Variants in KNL1 observed in about 807,000 individuals in gnomAD.
The protein encoded by KNL1 is outer kinetochore KNL1 complex subunit KNL1.
A neutral mutation model predicts 201.3 loss-of-function variants in KNL1; 66 were observed. That is an observed-to-expected ratio of 0.33 (90% CI 0.27 to 0.40). KNL1 has a LOEUF of 0.40. KNL1 is among the 10% of genes least tolerant of loss of function. The pLI, the probability that KNL1 is intolerant of heterozygous loss-of-function variation, is 1.00. For missense variants in KNL1, 2,815 were observed against 2,690.5 expected (o/e 1.05, Z -1.02); for synonymous variants, 895 against 899.2 (o/e 1.00, Z 0.08).
At chr15:40,618,034 T>C (rs1892401555) in intron 8 of KNL1, among the ~76,000 whole-genome samples, 1 of 137,544 alleles carries the variant, frequency 7.3e-6, no homozygotes. Flanking sequence ...TATTTCATTA[T>C]ATGTACTCAA....
rs1892636428 is a variant in KNL1, at chr15:40,623,803, A to C, written c.3539A>C (p.Glu1180Ala). The C allele has an allele frequency of 6.2e-7, 1 of 1,613,572 alleles. No homozygotes were observed. The highest frequency in any genetic ancestry group is 1.7e-5 in the Admixed American group (1 of 59,890). ...HTVFIDCQAT[E>A]KILEENPKFG... is the part of the protein sequence containing the mutation. ...GTTTTCATTGACTGTCAAGCCACAG[A>C]GAAAATACTTGAAGAAAACCCTAAA... The change falls in exon 10 of 26, where the codon GAG (glutamate) becomes GCG (alanine). Residue 1180 changes from glutamate (E) to alanine (A), a missense_variant. Physicochemically the swap from Glu to Ala is moderately radical, Grantham distance 107. This residue lies in a region of KNL1 where 2,464 missense variants were observed against 2,291.7 expected (regional missense o/e 1.08). Transcript: ENST00000399668.
At chr15:40,634,462 G>A (rs956582145) in intron 13 of KNL1, among the ~76,000 whole-genome samples, 3 of 152,226 alleles carry the variant, frequency 2.0e-5, no homozygotes, top group Admixed American at 6.5e-5. Context: ...ATTGCATTGT[G>A]TGTGGATTAT....
chr15:40,634,111 G>T (rs1468019801), intron 13 of KNL1, among the ~76,000 whole-genome samples: 1 of 152,024 alleles, frequency 6.6e-6, no homozygotes, highest in Non-Finnish European at 1.5e-5. Context: ...TTGTTTGTTT[G>T]TTTGTTTGTT....
In KNL1 at chr15:40,624,563, T is replaced by C. The variant is rs1281131867; in HGVS notation, c.4299T>C (p.Tyr1433=). ...TTCCAAAGGATCAAATGAAAGTCTATGTTGATGACATTTATGTTATTCCTC... is the reference window on the plus strand; with the variant it reads ...TTCCAAAGGATCAAATGAAAGTCTACGTTGATGACATTTATGTTATTCCTC... ...FKLPKDQMKV[Y]VDDIYVIPQP... The change falls in exon 10 of 26, where the codon TAT becomes TAC. Residue 1433 remains tyrosine (Y), a synonymous_variant. Transcript: ENST00000399668. The C allele has an allele frequency of 6.2e-7, 1 of 1,613,956 alleles. No homozygotes were observed. Among genetic ancestry groups the C allele is most frequent in the Non-Finnish European group, 8.5e-7 (1 of 1,179,858 alleles).
intron 2 of KNL1, among the ~76,000 whole-genome samples, chr15:40,604,027 C>T (rs1014256700): frequency 6.6e-6 from 1 of 152,096 alleles, no homozygotes; most frequent in African/African-American, 2.4e-5. Flanking sequence ...TGCCCCAGAC[C>T]TGTTTTAGCT....
At chr15:40,657,698 T>C (rs955930300) in intron 24 of KNL1, among the ~76,000 whole-genome samples, 2 of 152,240 alleles carry the variant, frequency 1.3e-5, no homozygotes, top group South Asian at 4.1e-4. Context: ...CCCTTCATGT[T>C]GACATGGTGT....
Position 40,659,892 on chromosome 15 carries a change from T to TTGTGTGTGTGTGTGTGTG in KNL1, c.6836+432_6836+433insGTGTGTGTGTGTGTGTGT, listed in dbSNP as rs749156028. 7.6e-3 allele frequency among the ~76,000 whole-genome samples: 912 copies of TTGTGTGTGTGTGTGTGTG among 120,144 alleles called. 14 individuals carry two copies. Among genetic ancestry groups the TTGTGTGTGTGTGTGTGTG allele is most frequent in the Non-Finnish European group, 9.4e-3 (515 of 54,662 alleles). The allele number at this position is 120,144 out of a possible 152,430, so 78.8% of individuals were successfully genotyped here. ...TTCTCTTGAGTTCATTTTGAAGAATTTATGTGTGTGTGTGTGTGTGTGTGT... is the reference window on the plus strand; with the variant it reads ...TTCTCTTGAGTTCATTTTGAAGAATTTGTGTGTGTGTGTGTGTGTATGTGTGTGTGTGTGTGTGTGTGT... On this transcript the variant is annotated intron_variant, in intron 25 of 25. Transcript: ENST00000399668.
Position 40,624,486 on chromosome 15 carries a change from C to T in KNL1, c.4222C>T (p.Gln1408Ter). Residue 1408 changes from glutamine (Q) to a stop codon, truncating the protein, a stop_gained, in exon 10 of 26, where the codon CAA becomes TAA. Transcript: ENST00000399668. LOFTEE classifies it high-confidence loss of function. The part of the protein sequence containing the change: ...LLANQTLVYS[Q>*]DLGEMTKLNS... ...GGCTAATCAAACTTTAGTATATAGT[C>T]AAGATCTGGGGGAGATGACTAAACT... 6.2e-7 allele frequency: 1 copy of T among 1,613,660 alleles called. No homozygotes were observed.
chr15:40,605,118 TAG>T lies in KNL1; in HGVS notation c.50_51del (p.Arg17ThrfsTer3). 6.8e-7 allele frequency: 1 copy of T among 1,472,098 alleles called. No homozygotes were observed. Among genetic ancestry groups the T allele is most frequent in the Non-Finnish European group, 9.5e-7 (1 of 1,052,426 alleles). 91.2% of individuals were successfully genotyped at this position (1,472,098 alleles called of 1,614,324 possible). ...TTGTTTTCCTTTTTCAGTGACAATA[TAG>T]AGAGACCTGTTAGAAGACGGCATTC... On this transcript the variant is annotated frameshift_variant, in exon 3 of 26. Coordinates refer to ENST00000399668, the MANE Select transcript of KNL1 (RefSeq NM_144508.5). LOFTEE classifies it high-confidence loss of function.
chr15:40,602,069 G>A (rs1467623885), intron 1 of KNL1, among the ~76,000 whole-genome samples: 1 of 148,850 alleles, frequency 6.7e-6, no homozygotes, highest in Non-Finnish European at 1.5e-5. Flanking sequence ...TTGCTCTTTC[G>A]CCCAGGCCGG....
At chr15:40,657,568 T>G (rs998625817) in intron 24 of KNL1, 95 bp downstream of exon 24, 5 of 678,304 alleles carry the variant, frequency 7.4e-6, no homozygotes, top group East Asian at 2.6e-5. Flanking sequence ...GATTAAGGTG[T>G]AAGCGGGTGT....
At chr15:40,640,093 C>T (rs1332364490) in intron 13 of KNL1, among the ~76,000 whole-genome samples, 23 of 137,630 alleles carry the variant, frequency 1.7e-4, no homozygotes, top group African/African-American at 2.5e-4. Context: ...TTCTTTTTTT[C>T]TTTTCTTTTT....
At chr15:40,646,856 CAAAAAAAA>C in intron 16 of KNL1, 123 bp from the exon 17 acceptor site, 9 of 184,790 alleles carry the variant, frequency 4.9e-5, no homozygotes, top group Admixed American at 3.1e-4. Flanking sequence ...GACTCCGCCT[CAAAAAAAA>C]AAAAAAAAAA....
chr15:40,625,459 A>C lies in KNL1; in HGVS notation c.5195A>C (p.Glu1732Ala). 6.2e-7 allele frequency: 1 copy of C among 1,614,010 alleles called. No homozygotes were observed. The highest frequency in any genetic ancestry group is 8.5e-7 in the Non-Finnish European group (1 of 1,179,966). ...AATTCTTCAGACTCTATTAACATAGAAACTGAGGAAAAGGCCTTGATTGAG... is the reference window on the plus strand; with the variant it reads ...AATTCTTCAGACTCTATTAACATAGCAACTGAGGAAAAGGCCTTGATTGAG... Reference protein sequence around the residue: ...EINSSDSINIETEEKALIETY... With the variant: ...EINSSDSINIATEEKALIETY... Residue 1732 changes from glutamate (E) to alanine (A), a missense_variant, in exon 10 of 26, where the codon GAA becomes GCA. Physicochemically the swap from Glu to Ala is moderately radical, Grantham distance 107. Transcript: ENST00000399668.
rs73394795 is a variant in KNL1, at chr15:40,653,760, G to A, written c.6416-1149G>A. Among the ~76,000 whole-genome samples the A allele has an allele frequency of 3.8e-3, 579 of 152,214 alleles. 5 individuals carry two copies. The highest frequency in any genetic ancestry group is 0.013 in the African/African-American group (557 of 41,522). ...TCATACTACCTTCCTACCTCTGCACGTTGGCCACAGTGGACTTCTTTTATT... is the reference window on the plus strand; with the variant it reads ...TCATACTACCTTCCTACCTCTGCACATTGGCCACAGTGGACTTCTTTTATT... On this transcript the variant is annotated intron_variant, in intron 21 of 25. Transcript: ENST00000399668.
At position 40,594,372 on chromosome 15, in the gene KNL1, C is replaced by T. The variant is rs920701810; in HGVS notation, c.-38C>T. ...CCAAACAAGTCTGCGCAAAATTTGT[C>T]GAGGAGGTTTGCCGCGGCAGGTAAA... On this transcript the variant is annotated 5_prime_UTR_variant, in exon 1 of 26. Coordinates refer to ENST00000399668, the MANE Select transcript of KNL1 (RefSeq NM_144508.5). The T allele has an allele frequency of 6.6e-6, 1 of 152,226 alleles. No homozygotes were observed. Among genetic ancestry groups the T allele is most frequent in the African/African-American group, 2.4e-5 (1 of 41,440 alleles). The allele number at this position is 152,226 out of a possible 1,614,324, so 9.4% of individuals were successfully genotyped here.
At chr15:40,606,481 A>G (rs1340827671) in intron 4 of KNL1, 29 bp downstream of exon 4, 1 of 1,205,784 alleles carries the variant, frequency 8.3e-7, no homozygotes, top group Admixed American at 1.8e-5. Context: ...TACTTTATAG[A>G]TGACTATTTT....
chr15:40,651,780 A>G (rs1893572440), intron 20 of KNL1, among the ~76,000 whole-genome samples: 1 of 152,200 alleles, frequency 6.6e-6, no homozygotes, highest in South Asian at 2.1e-4. Context: ...TATACTTTTC[A>G]TTGCGTAGAC....
chr15:40,625,244 G>C lies in KNL1; in HGVS notation c.4980G>C (p.Lys1660Asn), dbSNP rs201366681. 1.2e-4 allele frequency: 186 copies of C among 1,614,032 alleles called. No individual in the cohort carries two copies. Among genetic ancestry groups the C allele is most frequent in the South Asian group, 6.0e-4 (55 of 91,072 alleles). Residue 1660 changes from lysine to asparagine, a missense_variant, in exon 10 of 26, where the codon AAG (lysine) becomes AAC (asparagine). This residue lies in a region of KNL1 where 2,464 missense variants were observed against 2,291.7 expected (regional missense o/e 1.08). Transcript: ENST00000399668. Reference sequence around the variant, plus strand: ...TCTTTTTGCCTAGATTGCCCAACAAGAGAAATTGTAGTGTCACTGGTATTG... The same window carrying C: ...TCTTTTTGCCTAGATTGCCCAACAACAGAAATTGTAGTGTCACTGGTATTG... ...LGIFLPRLPN[K>N]RNCSVTGIDD...
Sources: gnomAD v4.1 joint callset for allele counts (sites outside exome capture counted in the v4.1 genomes callset) on GRCh38, gnomAD v4.1.1 for gene constraint, gnomAD v4.1.1 regional missense constraint, MANE v1.5 for transcripts, NCBI Gene and HGNC (gene_info 2026-07-23, HGNC 2026-07-21) for gene names.